The following PPFIA2 variants were observed in gnomAD, a reference collection of about 807,000 sequenced individuals.
PPFIA2 encodes PPFI scaffold protein A2.
In PPFIA2, 46 loss-of-function variants were observed where a neutral mutation model predicts 175.5. That is an observed-to-expected ratio of 0.26 (90% CI 0.21 to 0.34). PPFIA2 has a LOEUF of 0.34. Among genes scored for constraint, PPFIA2 ranks in the 10% least tolerant of loss-of-function variants. The pLI is 1.00. For synonymous variants in PPFIA2, 568 were observed against 511.4 expected (o/e 1.11, Z -1.49); for missense variants, 1,179 against 1,506.1 (o/e 0.78, Z 3.60).
In PPFIA2 at chr12:81,340,554, G is replaced by GACTT. The variant is rs573225524; in HGVS notation, c.2393+520_2393+523dup. Among the ~76,000 whole-genome samples, 726 of 152,104 alleles carry GACTT rather than the reference G, an allele frequency of 4.8e-3. 5 individuals carry two copies. Among genetic ancestry groups the GACTT allele is most frequent in the South Asian group, 0.016 (77 of 4,822 alleles). On this transcript the variant is annotated intron_variant, in intron 20 of 32. Coordinates refer to ENST00000549396, the MANE Select transcript of PPFIA2 (RefSeq NM_003625.5). ...GACAAATGACATATTTCTCCATCTA[G>GACTT]ACTTATCTTTTTATTTAATATTTTA...
intron 4 of PPFIA2, among the ~76,000 whole-genome samples, chr12:81,504,067 CTAA>C (rs1446378903): frequency 1.3e-5 from 2 of 151,750 alleles, no homozygotes; most frequent in African/African-American, 2.4e-5. Context: ...TTATGTGCAG[CTAA>C]TGAGAAATAA....
At chr12:81,462,872 C>T (rs1003359575) in intron 4 of PPFIA2, among the ~76,000 whole-genome samples, 7 of 151,822 alleles carry the variant, frequency 4.6e-5, no homozygotes, top group African/African-American at 1.2e-4. Flanking sequence ...TTTTCTATTC[C>T]GTAGTGCTTT....
At chr12:81,297,775 CTT>C (rs2046855084) in intron 23 of PPFIA2, among the ~76,000 whole-genome samples, 1 of 152,170 alleles carries the variant, frequency 6.6e-6, no homozygotes, top group Non-Finnish European at 1.5e-5. Flanking sequence ...CTTAAAGAGT[CTT>C]TGATGCGGAT....
intron 4 of PPFIA2, among the ~76,000 whole-genome samples, chr12:81,608,643 T>C (rs1278832033): frequency 6.6e-6 from 1 of 152,064 alleles, no homozygotes; most frequent in Non-Finnish European, 1.5e-5. Flanking sequence ...TGTAATGTCA[T>C]CTTTATCATT....
chr12:81,630,578 T>A (rs1327903088), intron 4 of PPFIA2, among the ~76,000 whole-genome samples: 1 of 152,150 alleles, frequency 6.6e-6, no homozygotes, highest in Non-Finnish European at 1.5e-5. Flanking sequence ...TGGACTCTGA[T>A]ATAATCAGCT....
intron 8 of PPFIA2, among the ~76,000 whole-genome samples, chr12:81,403,993 T>C (rs2042494558): frequency 6.6e-6 from 1 of 152,168 alleles, no homozygotes; most frequent in African/African-American, 2.4e-5. Context: ...GCCCTGAAAC[T>C]TGCCTTGGTC....
At chr12:81,542,069 G>A (rs1051180490) in intron 4 of PPFIA2, among the ~76,000 whole-genome samples, 5 of 151,958 alleles carry the variant, frequency 3.3e-5, no homozygotes, top group Non-Finnish European at 5.9e-5. Flanking sequence ...TGGAACTTAC[G>A]AACATTACCT....
intron 4 of PPFIA2, among the ~76,000 whole-genome samples, chr12:81,608,980 G>T (rs551706012): frequency 6.6e-6 from 1 of 151,738 alleles, no homozygotes; most frequent in African/African-American, 2.4e-5. Flanking sequence ...TAGAGATTTG[G>T]ATAAGTTTTA....
At chr12:81,575,461 TA>T (rs1417059637) in intron 4 of PPFIA2, among the ~76,000 whole-genome samples, 1 of 151,838 alleles carries the variant, frequency 6.6e-6, no homozygotes, top group East Asian at 1.9e-4. Context: ...TCTTAGATTA[TA>T]AATATTGGCA....
At chr12:81,354,202 C>T (rs1159263220) in intron 16 of PPFIA2, among the ~76,000 whole-genome samples, 1 of 152,092 alleles carries the variant, frequency 6.6e-6, no homozygotes, top group Non-Finnish European at 1.5e-5. Context: ...TGAAATTTGC[C>T]ACATTGATTG....
At chr12:81,398,557 C>T (rs1220754682) in intron 8 of PPFIA2, among the ~76,000 whole-genome samples, 2 of 152,050 alleles carry the variant, frequency 1.3e-5, no homozygotes, top group African/African-American at 2.4e-5. Context: ...AGCCATTGAT[C>T]CTTGCTCTGC....
chr12:81,553,705 G>T (rs988225386), intron 4 of PPFIA2, among the ~76,000 whole-genome samples: 5 of 151,964 alleles, frequency 3.3e-5, no homozygotes, highest in African/African-American at 9.7e-5. Context: ...CAAAGACTTT[G>T]CATGATGCTA....
At chr12:81,395,739 T>C (rs1311921082) in intron 8 of PPFIA2, among the ~76,000 whole-genome samples, 1 of 152,044 alleles carries the variant, frequency 6.6e-6, no homozygotes, top group African/African-American at 2.4e-5. Flanking sequence ...TCCCAGAGAT[T>C]ACCCAGGGGA....
At chr12:81,368,886 C>G in intron 12 of PPFIA2, 30 bp from the exon 13 acceptor site, 1 of 1,584,842 alleles carries the variant, frequency 6.3e-7, no homozygotes, top group Non-Finnish European at 8.6e-7. Flanking sequence ...CATAAAAATC[C>G]ATTCAAAAAC....
At chr12:81,301,359 T>A (rs1244137197) in intron 22 of PPFIA2, among the ~76,000 whole-genome samples, 1 of 152,172 alleles carries the variant, frequency 6.6e-6, no homozygotes, top group Admixed American at 6.5e-5. Context: ...TTACAATTAG[T>A]TTTTGCTTCA....
chr12:81,395,355 A>G (rs2040924831), intron 8 of PPFIA2, among the ~76,000 whole-genome samples: 1 of 152,062 alleles, frequency 6.6e-6, no homozygotes, highest in African/African-American at 2.4e-5. Flanking sequence ...TACACATGGT[A>G]AAACAGTATA....
At chr12:81,518,867 T>C (rs1336188572) in intron 4 of PPFIA2, among the ~76,000 whole-genome samples, 1 of 152,178 alleles carries the variant, frequency 6.6e-6, no homozygotes, top group African/African-American at 2.4e-5. Context: ...CATAATATTT[T>C]AGGTTAACTA....
intron 17 of PPFIA2, among the ~76,000 whole-genome samples, chr12:81,352,080 CT>C (rs1289425234): frequency 3.2e-4 from 48 of 151,974 alleles, no homozygotes; most frequent in Non-Finnish European, 6.5e-4. Context: ...ATTTGCTTTG[CT>C]ATGAACTGAA....
At chr12:81,630,164 G>A (rs927868152) in intron 4 of PPFIA2, among the ~76,000 whole-genome samples, 5 of 152,146 alleles carry the variant, frequency 3.3e-5, no homozygotes, top group African/African-American at 9.7e-5. Context: ...CCTGGCTAAC[G>A]CTATGATTTT....
Sources: allele counts gnomAD v4.1 joint callset (sites outside exome capture counted in the v4.1 genomes callset), GRCh38; gene constraint gnomAD v4.1.1; transcripts MANE v1.5; gene names NCBI Gene and HGNC (gene_info 2026-07-23, HGNC 2026-07-21).